The following COA1 variants were observed in gnomAD, a reference collection of about 807,000 sequenced individuals.
COA1 encodes cytochrome c oxidase assembly factor 1.
Under a neutral mutation model 16.0 loss-of-function variants are expected in COA1, and 13 were observed. That is an observed-to-expected ratio of 0.81 (90% CI 0.53 to 1.29). The LOEUF is 1.29. Among genes scored for constraint, COA1 ranks in the 50% most tolerant of loss-of-function variants. The pLI, the probability that COA1 is intolerant of heterozygous loss-of-function variation, is 0.00. For synonymous variants in COA1, 65 were observed against 65.7 expected (o/e 0.99, Z 0.05); for missense variants, 179 against 177.0 (o/e 1.01, Z -0.06).
At chr7:43,667,108 T>A (rs1584716335) in intron 1 of COA1, among the ~76,000 whole-genome samples, 1 of 152,338 alleles carries the variant, frequency 6.6e-6, no homozygotes, top group East Asian at 1.9e-4. Flanking sequence ...AACTTTGGCT[T>A]TGAACAGGAT....
intron 1 of COA1, chr7:43,648,908 G>T (rs568226805): frequency 2.5e-6 from 1 of 397,060 alleles, no homozygotes; most frequent in Non-Finnish European, 4.6e-6. Context: ...CCAAAGAACC[G>T]GTGTGCACAA....
chr7:43,681,114 T>C (rs971632104), intron 1 of COA1, among the ~76,000 whole-genome samples: 1 of 152,158 alleles, frequency 6.6e-6, no homozygotes, highest in African/African-American at 2.4e-5. Flanking sequence ...ATTTTTACCC[T>C]CATCATTTCT....
At chr7:43,649,373 T>C (rs2090290555) in intron 1 of COA1, 1 of 152,250 alleles carries the variant, frequency 6.6e-6, no homozygotes, top group Non-Finnish European at 1.5e-5. Context: ...AGCTTTAAGA[T>C]ATCTAATTAA....
intron 4 of COA1, among the ~76,000 whole-genome samples, chr7:43,644,710 T>TTAGATAGATAGATAGATAGATAGATAGA (rs764989171): frequency 2.1e-4 from 12 of 56,944 alleles, no homozygotes; most frequent in Non-Finnish European, 3.4e-4. Flanking sequence ...GATAGATAGA[T>TTAGATAGATAGATAGATAGATAGATAGA]TAGATAGATA....
chr7:43,669,721 C>T (rs189368394), intron 1 of COA1, among the ~76,000 whole-genome samples: 178 of 151,716 alleles, frequency 1.2e-3, no homozygotes, highest in African/African-American at 4.2e-3. Flanking sequence ...CTTCTTCCTT[C>T]CTTCTTTCTT....
At chr7:43,712,550 C>T (rs970178894) in intron 1 of COA1, among the ~76,000 whole-genome samples, 9 of 152,120 alleles carry the variant, frequency 5.9e-5, no homozygotes, top group African/African-American at 1.9e-4. Context: ...ATCTCTTTAC[C>T]ACACGGTGTC....
Position 43,645,321 on chromosome 7 carries a change from C to T in COA1, c.194G>A (p.Gly65Asp). ...GAGATAATGGATGTTGAGAGGAGGG[C>T]CCAGAGCTTCCTGTGCCTCGGGATG... ...QSHPEAQEAL[G>D]PPLNIHYLKL... The change falls in exon 4 of 6, where the codon GGC (glycine) becomes GAC (aspartate). Residue 65 changes from glycine to aspartate, a missense_variant. By Grantham distance (94) the Gly-to-Asp change is moderately conservative. Transcript: ENST00000223336. 1 of 1,614,016 alleles carries T rather than the reference C, an allele frequency of 6.2e-7. No individual in the cohort carries two copies. The highest frequency in any genetic ancestry group is 1.1e-5 in the South Asian group (1 of 91,084).
chr7:43,699,839 G>C (rs1331821182), intron 1 of COA1, among the ~76,000 whole-genome samples: 1 of 152,102 alleles, frequency 6.6e-6, no homozygotes. Context: ...GGCATGATTA[G>C]AGTCAGTCTT....
Position 43,719,484 on chromosome 7 carries a change from T to C in COA1, c.-39+9945A>G, listed in dbSNP as rs1279549666. The stretch of plus-strand genomic sequence containing the variant: ...ATAATGAAATGCTAGAAGAATGAAA[T>C]TACAAAAATAAAGTCAAACTAAGTG... On this transcript the variant is annotated intron_variant, in intron 1 of 5. Transcript: ENST00000223336. Among the ~76,000 whole-genome samples, 3 of 152,196 alleles carry C rather than the reference T, an allele frequency of 2.0e-5. No individual in the cohort carries two copies. In the East Asian group the frequency reaches 5.8e-4, roughly 29 times the overall value.
At chr7:43,708,986 G>A (rs1314264105) in intron 1 of COA1, among the ~76,000 whole-genome samples, 7 of 150,182 alleles carry the variant, frequency 4.7e-5, no homozygotes, top group Admixed American at 4.6e-4. Context: ...TCTTCATACT[G>A]TAAGGTCACA....
intron 6 of COA1, among the ~76,000 whole-genome samples, chr7:43,615,197 A>G (rs1365844380): frequency 1.3e-5 from 2 of 152,020 alleles, no homozygotes; most frequent in African/African-American, 4.8e-5. Flanking sequence ...TTTGTTTTTG[A>G]TAGGGTCGTA....
In COA1 at chr7:43,616,459, GAGTAATC is replaced by G. The variant is rs2083353448; in HGVS notation, c.*134-6971_*134-6965del. 2.6e-5 allele frequency among the ~76,000 whole-genome samples: 4 copies of G among 152,284 alleles called. No individual in the cohort carries two copies. In the South Asian group the frequency reaches 6.2e-4, roughly 24 times the overall value. Reference sequence around the variant, plus strand: ...GTAGGCACTGATCACAGTGACAAAAGAGTAATCAGTACTGTGGCTTCTGTCCTCATGA... The same window carrying G: ...GTAGGCACTGATCACAGTGACAAAAGAGTACTGTGGCTTCTGTCCTCATGA... On this transcript the variant is annotated intron_variant and NMD_transcript_variant, in intron 6 of 6. Transcript: ENST00000415076.
At chr7:43,643,313 A>G (rs950186083) in intron 4 of COA1, among the ~76,000 whole-genome samples, 1 of 152,110 alleles carries the variant, frequency 6.6e-6, no homozygotes, top group African/African-American at 2.4e-5. Flanking sequence ...TTGGCACACA[A>G]TTCCTCAGTG....
At chr7:43,646,868 G>A (rs1223205027) in intron 3 of COA1, 2 of 246,796 alleles carry the variant, frequency 8.1e-6, no homozygotes, top group South Asian at 8.4e-5. Flanking sequence ...AGTGGATGAC[G>A]AGCCAAGCTG....
rs570464378 is a variant in COA1 at position 43,729,017 on chromosome 7, T to TA, written c.-39+411dup. Among the ~76,000 whole-genome samples, 129 of 152,332 alleles carry TA rather than the reference T, an allele frequency of 8.5e-4. 2 individuals carry two copies. Among genetic ancestry groups the TA allele is most frequent in the Admixed American group, 3.0e-3 (46 of 15,308 alleles). On this transcript the variant is annotated intron_variant, in intron 1 of 5. Transcript: ENST00000223336. ...AGTGTGGTGGGGACAAAAAGTATTA[T>TA]AACCACTAAACCAGGTAATTCTTTC... is the stretch of plus-strand genomic sequence containing the variant.
chr7:43,643,463 C>A (rs997276062), intron 4 of COA1, among the ~76,000 whole-genome samples: 1 of 152,234 alleles, frequency 6.6e-6, no homozygotes, highest in African/African-American at 2.4e-5. Context: ...ACCATGGGAG[C>A]AATCCGGTGG....
chr7:43,686,431 C>G (rs1052484586), intron 1 of COA1, among the ~76,000 whole-genome samples: 13 of 151,534 alleles, frequency 8.6e-5, no homozygotes, highest in African/African-American at 2.9e-4. Flanking sequence ...CTCAGCCTCC[C>G]GAGTAGCTGG....
intron 1 of COA1, among the ~76,000 whole-genome samples, chr7:43,686,558 T>G (rs1052451606): frequency 2.6e-5 from 4 of 152,060 alleles, no homozygotes; most frequent in Admixed American, 2.0e-4. Context: ...CCTCCCAAAG[T>G]GCTGGGATTA....
intron 1 of COA1, among the ~76,000 whole-genome samples, chr7:43,672,050 A>C (rs2093294744): frequency 6.6e-6 from 1 of 152,182 alleles, no homozygotes. Context: ...AATAACCAGA[A>C]TCTGTAAGAA....
Sources: allele counts gnomAD v4.1 joint callset (sites outside exome capture counted in the v4.1 genomes callset), GRCh38; gene constraint gnomAD v4.1.1; transcripts MANE v1.5; gene names NCBI Gene and HGNC (gene_info 2026-07-23, HGNC 2026-07-21).